CES5A: variants seen among roughly 807,000 people sequenced by gnomAD.
CES5A encodes the protein carboxylesterase 5.
CES5A carries 67 observed loss-of-function variants against 62.9 expected under a neutral mutation model. That is an observed-to-expected ratio of 1.07 (90% confidence interval 0.88 to 1.31). The LOEUF is 1.31. CES5A is among the 50% of genes most tolerant of loss of function. The pLI is 0.00. For missense variants in CES5A, 748 were observed against 708.5 expected (o/e 1.06, Z -0.63); for synonymous variants, 296 against 280.8 (o/e 1.05, Z -0.54).
chr16:55,865,999 A>G lies in CES5A; in HGVS notation c.669T>C (p.Phe223=), dbSNP rs1166173869. The part of the protein sequence containing the change: ...FGGDPSSVTI[F]GESAGAISVS... ...CACTTATGGCTCCCGCGGACTCGCC[A>G]AAGATGGTCACAGAGCTGGGGTCCC... Residue 223 remains phenylalanine, a synonymous_variant, in exon 5 of 13, where the codon TTT becomes TTC. Transcript: ENST00000290567. 1 of 1,614,124 alleles carries G rather than the reference A, an allele frequency of 6.2e-7. No homozygotes were observed. The highest frequency in any genetic ancestry group is 8.5e-7 in the Non-Finnish European group (1 of 1,180,048).
intron 1 of CES5A, among the ~76,000 whole-genome samples, chr16:55,909,169 T>G (rs1042521996): frequency 6.6e-6 from 1 of 152,146 alleles, no homozygotes; most frequent in Non-Finnish European, 1.5e-5. Context: ...GACACTGCCC[T>G]CCACTTTCCC....
At chr16:55,949,804 G>A in exon 2 of CES5A, 1 of 1,498,314 alleles carries the variant, frequency 6.7e-7, no homozygotes, top group Non-Finnish European at 8.9e-7. Flanking sequence ...TGGAAGTGTA[G>A]TTTAAGACAT....
chr16:55,902,551 C>T (rs1233036743), intron 1 of CES5A, among the ~76,000 whole-genome samples: 1 of 152,134 alleles, frequency 6.6e-6, no homozygotes, highest in African/African-American at 2.4e-5. Context: ...GATTCTTCTC[C>T]ATGTCCTGAC....
upstream of CES5A, among the ~76,000 whole-genome samples, chr16:55,928,039 C>T (rs1354756446): frequency 3.9e-5 from 6 of 152,040 alleles, no homozygotes; most frequent in Non-Finnish European, 7.4e-5. Flanking sequence ...GTCAGGAGAT[C>T]GAGACCATCC....
intron 5 of CES5A, among the ~76,000 whole-genome samples, chr16:55,863,711 C>T (rs373560215): frequency 1.3e-5 from 2 of 152,058 alleles, no homozygotes; most frequent in African/African-American, 4.8e-5. Flanking sequence ...CACTTTCTAC[C>T]TAGGTAACCT....
chr16:55,907,849 T>C (rs1244089592), intron 1 of CES5A, among the ~76,000 whole-genome samples: 4 of 152,138 alleles, frequency 2.6e-5, no homozygotes, highest in Admixed American at 2.6e-4. Context: ...AGCGGGTCTG[T>C]GGAATTAATG....
At chr16:55,894,233 G>A (rs1255995691) in intron 1 of CES5A, among the ~76,000 whole-genome samples, 1 of 152,098 alleles carries the variant, frequency 6.6e-6, no homozygotes, top group Admixed American at 6.5e-5. Context: ...AATAGGCTGG[G>A]CGTGGTGGCT....
Position 55,945,033 on chromosome 16 carries a change from A to C in CES5A, c.160+4752T>G, listed in dbSNP as rs143261320. On this transcript the variant is annotated intron_variant, in intron 2 of 13. Transcript: ENST00000521992. The stretch of plus-strand genomic sequence containing the variant: ...CGGTCACTCAAGTTTTCTCTTCTTC[A>C]ACTTTCTTCATTTTAAAATGGGGTT... 1.7e-3 allele frequency among the ~76,000 whole-genome samples: 265 copies of C among 152,252 alleles called. 1 individual carries two copies. Among genetic ancestry groups the C allele is most frequent in the African/African-American group, 6.0e-3 (248 of 41,542 alleles).
chr16:55,950,109 C>T (rs2034538938), intron 1 of CES5A, among the ~76,000 whole-genome samples: 1 of 151,982 alleles, frequency 6.6e-6, no homozygotes. Context: ...ATGGAGAAGA[C>T]TGAAGAAAGA....
chr16:55,938,797 T>TACAC (rs1205048784), intron 2 of CES5A, among the ~76,000 whole-genome samples: 1 of 51,086 alleles, frequency 2.0e-5, no homozygotes, highest in Non-Finnish European at 3.5e-5. Flanking sequence ...TATATATATA[T>TACAC]ACACACATAT....
intron 11 of CES5A, among the ~76,000 whole-genome samples, chr16:55,847,799 G>T (rs1348588043): frequency 6.6e-6 from 1 of 152,116 alleles, no homozygotes; most frequent in Non-Finnish European, 1.5e-5. Flanking sequence ...TCTTTTGCTG[G>T]TAAAAGTAAT....
At chr16:55,906,022 C>T (rs1344503642) in intron 1 of CES5A, among the ~76,000 whole-genome samples, 1 of 152,122 alleles carries the variant, frequency 6.6e-6, no homozygotes, top group Non-Finnish European at 1.5e-5. Flanking sequence ...AAGTTAAGCT[C>T]CTTGTGCAAA....
At chr16:55,914,695 G>A (rs1320752144) in intron 1 of CES5A, among the ~76,000 whole-genome samples, 3 of 152,188 alleles carry the variant, frequency 2.0e-5, no homozygotes, top group Non-Finnish European at 4.4e-5. Flanking sequence ...AGAATTGCTG[G>A]TCTGGGGAGC....
At chr16:55,933,580 G>C (rs1355679288) in intron 2 of CES5A, among the ~76,000 whole-genome samples, 2 of 152,062 alleles carry the variant, frequency 1.3e-5, no homozygotes, top group African/African-American at 4.8e-5. Context: ...AAAAGCCTTA[G>C]AGTCTTACCT....
chr16:55,878,628 C>A (rs1193849920), upstream of CES5A, among the ~76,000 whole-genome samples: 1 of 142,802 alleles, frequency 7.0e-6, no homozygotes, highest in Non-Finnish European at 1.5e-5. Context: ...CACCCCACCA[C>A]TGCACCCCAT....
chr16:55,916,049 C>T (rs1166049108), intron 1 of CES5A, among the ~76,000 whole-genome samples: 6 of 152,048 alleles, frequency 3.9e-5, no homozygotes, highest in East Asian at 1.9e-4. Context: ...AATCAATCTC[C>T]GAAAACTCAG....
chr16:55,874,165 G>A, intron 1 of CES5A, 128 bp from the exon 2 acceptor site: 6 of 800,292 alleles, frequency 7.5e-6, no homozygotes, highest in Non-Finnish European at 1.2e-5. Flanking sequence ...GTGGTATCCA[G>A]GTTCCCTCTC....
chr16:55,866,687 A>AAAAAAAAAAAAAAAAAAAAAAG (rs2033471578), intron 4 of CES5A, among the ~76,000 whole-genome samples: 1 of 149,102 alleles, frequency 6.7e-6, no homozygotes, highest in Non-Finnish European at 1.5e-5. Context: ...AATACAAAAA[A>AAAAAAAAAAAAAAAAAAAAAAG]ATTAGCTGGA....
At chr16:55,923,433 G>A (rs1255599097) in intron 1 of CES5A, among the ~76,000 whole-genome samples, 2 of 151,788 alleles carry the variant, frequency 1.3e-5, no homozygotes, top group East Asian at 1.9e-4. Context: ...ATGGATAAAT[G>A]TCTGGACACA....
Sources: gnomAD v4.1 joint callset for allele counts (sites outside exome capture counted in the v4.1 genomes callset) on GRCh38, gnomAD v4.1.1 for gene constraint, MANE v1.5 for transcripts, NCBI Gene and HGNC (gene_info 2026-07-23, HGNC 2026-07-21) for gene names.